The following CHCHD3 variants were observed in gnomAD, a reference collection of about 807,000 sequenced individuals.
CHCHD3 encodes coiled-coil-helix-coiled-coil-helix domain containing 3.
Under a neutral mutation model 38.2 loss-of-function variants are expected in CHCHD3, and 20 were observed. The observed-to-expected ratio is 0.52, with a 90% CI of 0.37 to 0.76. The LOEUF (loss-of-function observed/expected upper bound fraction) is 0.76, where lower values mean the gene tolerates loss of function less well. Ranked by LOEUF, CHCHD3 falls within the 30% of genes least tolerant of loss-of-function variation. CHCHD3 has a pLI of 0.00. For synonymous variants in CHCHD3, 82 were observed against 100.0 expected, an observed-to-expected ratio of 0.82 and a Z score of 1.07; for missense variants, 245 against 279.2, an observed-to-expected ratio of 0.88 and a Z score of 0.87.
chr7:132,984,198 G>A (rs1040075990), intron 3 of CHCHD3, among the ~76,000 whole-genome samples: 20 of 151,718 alleles, frequency 1.3e-4, no homozygotes, highest in African/African-American at 2.9e-4. Flanking sequence ...GAGTGCCTGC[G>A]ATTGCAGGCG....
chr7:132,798,197 G>C (rs922402649), intron 6 of CHCHD3, among the ~76,000 whole-genome samples: 4 of 151,900 alleles, frequency 2.6e-5, no homozygotes, highest in African/African-American at 9.7e-5. Context: ...ATCCTCTAAA[G>C]AACACAGACA....
At chr7:132,992,416 C>G (rs956897497) in intron 3 of CHCHD3, among the ~76,000 whole-genome samples, 23 of 152,150 alleles carry the variant, frequency 1.5e-4, no homozygotes, top group Non-Finnish European at 5.9e-5. Context: ...GAGCTACATC[C>G]CACAGAGCCT....
intron 6 of CHCHD3, among the ~76,000 whole-genome samples, chr7:132,831,160 ACT>A (rs1325025273): frequency 6.6e-6 from 1 of 152,074 alleles, no homozygotes; most frequent in East Asian, 1.9e-4. Context: ...TAATACAATA[ACT>A]CTAGTTATAA....
chr7:132,892,693 A>T (rs1345137617), intron 4 of CHCHD3, among the ~76,000 whole-genome samples: 2 of 152,180 alleles, frequency 1.3e-5, no homozygotes, highest in Non-Finnish European at 2.9e-5. Context: ...TGCTGTGTGC[A>T]GCCTCAGGAC....
intron 4 of CHCHD3, among the ~76,000 whole-genome samples, chr7:132,951,063 G>C (rs1175536640): frequency 1.3e-5 from 2 of 152,186 alleles, no homozygotes; most frequent in Non-Finnish European, 2.9e-5. Context: ...AAAACAGCAA[G>C]AGTTTCTCTT....
At chr7:133,024,157 A>C (rs1167763352) in intron 3 of CHCHD3, among the ~76,000 whole-genome samples, 1 of 152,236 alleles carries the variant, frequency 6.6e-6, no homozygotes, top group Non-Finnish European at 1.5e-5. Flanking sequence ...TATGTATCAC[A>C]CACGATATTC....
At chr7:133,002,873 T>C (rs1307253645) in intron 3 of CHCHD3, among the ~76,000 whole-genome samples, 2 of 152,192 alleles carry the variant, frequency 1.3e-5, no homozygotes, top group African/African-American at 2.4e-5. Flanking sequence ...TTTCCATTGG[T>C]TTAAATAGCA....
At chr7:132,956,594 G>T (rs1422460832) in intron 4 of CHCHD3, among the ~76,000 whole-genome samples, 1 of 152,120 alleles carries the variant, frequency 6.6e-6, no homozygotes, top group Non-Finnish European at 1.5e-5. Context: ...ACAGAATGAG[G>T]TCTATCAATG....
rs529128652 is a variant in CHCHD3, at chr7:133,062,372, T to C, written c.169+7770A>G. On this transcript the variant is annotated intron_variant, in intron 2 of 7. Coordinates refer to ENST00000262570, the MANE Select transcript of CHCHD3 (RefSeq NM_017812.4). ...ATCAAAAATAGTATTGCTAAGTATATGTCCTATGCTTTATATTCTATTAGT... is the reference window on the plus strand; with the variant it reads ...ATCAAAAATAGTATTGCTAAGTATACGTCCTATGCTTTATATTCTATTAGT... Among the ~76,000 whole-genome samples the C allele has an allele frequency of 2.6e-4, 39 of 152,376 alleles. 1 individual carries two copies. The highest frequency in any genetic ancestry group is 2.2e-3 in the Admixed American group (33 of 15,308).
chr7:132,886,419 A>G (rs996718747), intron 4 of CHCHD3, among the ~76,000 whole-genome samples: 2 of 151,870 alleles, frequency 1.3e-5, no homozygotes, highest in African/African-American at 4.8e-5. Context: ...AATGATGAAG[A>G]TGGCTACTTA....
At chr7:132,960,941 C>A (rs893012682) in intron 4 of CHCHD3, among the ~76,000 whole-genome samples, 2 of 152,088 alleles carry the variant, frequency 1.3e-5, no homozygotes, top group East Asian at 3.9e-4. Context: ...TGCCACTGCA[C>A]TCCAGCCTGT....
In CHCHD3 at chr7:133,030,869, T is replaced by C. The variant is rs1813481169; in HGVS notation, c.170-6242A>G. Among the ~76,000 whole-genome samples, 2 of 152,340 alleles carry C rather than the reference T, an allele frequency of 1.3e-5. 1 individual carries two copies. The highest frequency in any genetic ancestry group is 4.1e-4 in the South Asian group (2 of 4,824). On this transcript the variant is annotated intron_variant, in intron 2 of 7. Transcript: ENST00000262570. ...ATTGCAATTGCTTAGTTCTAGCAAG[T>C]GTGGCTCTAAACCATTTACTTGAAA...
chr7:132,796,539 G>A lies in CHCHD3; in HGVS notation c.563C>T (p.Ala188Val). The A allele has an allele frequency of 6.2e-7, 1 of 1,613,840 alleles. No individual in the cohort carries two copies. The highest frequency in any genetic ancestry group is 8.5e-7 in the Non-Finnish European group (1 of 1,179,826). Residue 188 changes from alanine (A) to valine (V), a missense_variant, in exon 7 of 8, where the codon GCC becomes GTC. Coordinates refer to ENST00000262570, the MANE Select transcript of CHCHD3 (RefSeq NM_017812.4). ...CTCACGGTAACACTGAAGAATTTTG[G>A]CCTGCAGATCAGCACAGACTGGATG... ...ESHPVCADLQ[A>V]KILQCYRENT...
chr7:132,812,067 TAGACCCTTC>T (rs1237752071), intron 6 of CHCHD3, among the ~76,000 whole-genome samples: 1 of 152,072 alleles, frequency 6.6e-6, no homozygotes, highest in Non-Finnish European at 1.5e-5. Context: ...TCTCAGTAAA[TAGACCCTTC>T]AAGATCAGGG....
chr7:133,015,032 C>A lies in CHCHD3; in HGVS notation c.251+9514G>T, dbSNP rs1249363863. Reference sequence around the variant, plus strand: ...CTGCCATTGTCACTGAAAATGTGCACAAACAAGCATTTAAAAGTCAGGTAT... The same window carrying A: ...CTGCCATTGTCACTGAAAATGTGCAAAAACAAGCATTTAAAAGTCAGGTAT... On this transcript the variant is annotated intron_variant, in intron 3 of 7. Transcript: ENST00000262570. Among the ~76,000 whole-genome samples the A allele has an allele frequency of 2.0e-5, 3 of 152,138 alleles. No individual in the cohort carries two copies. The East Asian group carries it at 5.8e-4, about 29-fold the overall frequency.
intron 4 of CHCHD3, chr7:132,973,689 G>A (rs369431398): frequency 7.4e-5 from 76 of 1,030,194 alleles, no homozygotes; most frequent in South Asian, 1.1e-4. Context: ...GATTCATTAC[G>A]CATGGACTTC....
At chr7:132,870,323 C>T (rs950696241) in intron 5 of CHCHD3, among the ~76,000 whole-genome samples, 5 of 146,444 alleles carry the variant, frequency 3.4e-5, no homozygotes, top group Non-Finnish European at 5.9e-5. Flanking sequence ...GTACTCCAGC[C>T]TGGGTGACAC....
At position 132,945,968 on chromosome 7, in the gene CHCHD3, G is replaced by C. The variant is rs909728474; in HGVS notation, c.369+29201C>G. Among the ~76,000 whole-genome samples, 3 of 151,792 alleles carry C rather than the reference G, an allele frequency of 2.0e-5. No homozygotes were observed. In the South Asian group the frequency reaches 6.2e-4, roughly 31 times the overall value. On this transcript the variant is annotated intron_variant, in intron 4 of 7. Coordinates refer to ENST00000262570, the MANE Select transcript of CHCHD3 (RefSeq NM_017812.4). The stretch of plus-strand genomic sequence containing the variant: ...AAAAGTTCAGATAAACATTTTTATT[G>C]AAAATGATAACCAGAACTATCTGTA...
chr7:132,959,290 T>C (rs897887603), intron 4 of CHCHD3, among the ~76,000 whole-genome samples: 2 of 152,216 alleles, frequency 1.3e-5, no homozygotes, highest in Admixed American at 6.5e-5. Context: ...CACAGCCATA[T>C]ATCAAACTGT....
Sources: gnomAD v4.1 joint callset for allele counts (sites outside exome capture counted in the v4.1 genomes callset) on GRCh38, gnomAD v4.1.1 for gene constraint, MANE v1.5 for transcripts, NCBI Gene and HGNC (gene_info 2026-07-23, HGNC 2026-07-21) for gene names.